The following TENM3 variants were observed in gnomAD, a reference collection of about 807,000 sequenced individuals.
The protein encoded by TENM3 is teneurin transmembrane protein 3, also known as teneurin-3.
Under a neutral mutation model 255.1 loss-of-function variants are expected in TENM3, and 63 were observed. The observed-to-expected ratio is 0.25, with a 90% CI of 0.20 to 0.30. The LOEUF (loss-of-function observed/expected upper bound fraction) is 0.30, where lower values mean the gene tolerates loss of function less well. TENM3 is among the 10% of genes least tolerant of loss of function. The pLI, the probability that TENM3 is intolerant of heterozygous loss-of-function variation, is 1.00. For missense variants in TENM3, 2,929 were observed against 3,461.1 expected (o/e 0.85, Z 3.86); for synonymous variants, 1,306 against 1,322.3 (o/e 0.99, Z 0.27).
chr4:181,902,221 A>G, the TENM3 span, among the ~76,000 whole-genome samples: 1 of 151,852 alleles, frequency 6.6e-6, no homozygotes, highest in African/African-American at 2.4e-5. Context: ...AGAGCAGAAA[A>G]TTTGTTTAAG....
At chr4:181,599,541 T>A in the TENM3 span, among the ~76,000 whole-genome samples, 2 of 152,210 alleles carry the variant, frequency 1.3e-5, no homozygotes, top group African/African-American at 4.8e-5. Flanking sequence ...ACCACTGAAA[T>A]ATTCCTGTTA....
At chr4:182,766,418 T>C (rs1483703526) in intron 22 of TENM3, among the ~76,000 whole-genome samples, 1 of 152,156 alleles carries the variant, frequency 6.6e-6, no homozygotes, top group South Asian at 2.1e-4. Flanking sequence ...ATGATTCTTC[T>C]CTTAATGATG....
At chr4:182,229,027 A>T (rs1756383464) in intron 1 of TENM3, among the ~76,000 whole-genome samples, 1 of 152,156 alleles carries the variant, frequency 6.6e-6, no homozygotes, top group African/African-American at 2.4e-5. Context: ...CGTGTAAATA[A>T]GTTTCTAATA....
chr4:182,067,369 C>T, the TENM3 span, among the ~76,000 whole-genome samples: 2 of 152,124 alleles, frequency 1.3e-5, no homozygotes, highest in Admixed American at 6.5e-5. Flanking sequence ...TGGCCGTAAA[C>T]GAGTTTCTCC....
At chr4:181,620,658 T>A in the TENM3 span, among the ~76,000 whole-genome samples, 2 of 138,130 alleles carry the variant, frequency 1.4e-5, no homozygotes, top group African/African-American at 5.4e-5. Flanking sequence ...TCTCACAGAG[T>A]CCTTAAAAAA....
chr4:182,464,713 T>C (rs901160523), intron 3 of TENM3, among the ~76,000 whole-genome samples: 17 of 152,240 alleles, frequency 1.1e-4, no homozygotes, highest in African/African-American at 4.1e-4. Context: ...CTTTTCATGC[T>C]ATGGAAAGAG....
At chr4:182,702,845 T>C (rs1757991748) in intron 12 of TENM3, among the ~76,000 whole-genome samples, 1 of 152,028 alleles carries the variant, frequency 6.6e-6, no homozygotes, top group Non-Finnish European at 1.5e-5. Context: ...GCAGCCATTC[T>C]CCTGCCTCAG....
the TENM3 span, among the ~76,000 whole-genome samples, chr4:182,108,706 G>C: frequency 6.6e-6 from 1 of 152,122 alleles, no homozygotes; most frequent in African/African-American, 2.4e-5. Flanking sequence ...TATGTGAAAA[G>C]AGCAAAAAGC....
chr4:181,499,268 CT>C, the TENM3 span, among the ~76,000 whole-genome samples: 1 of 152,168 alleles, frequency 6.6e-6, no homozygotes, highest in Non-Finnish European at 1.5e-5. Context: ...CATGAGTTTC[CT>C]CAGACTTCTC....
the TENM3 span, among the ~76,000 whole-genome samples, chr4:181,521,835 G>T: frequency 6.6e-6 from 1 of 152,082 alleles, no homozygotes; most frequent in Non-Finnish European, 1.5e-5. Flanking sequence ...GGTGGCTCAT[G>T]CCTGTAATCC....
intron 4 of TENM3, among the ~76,000 whole-genome samples, chr4:182,622,114 A>G (rs1449838214): frequency 1.3e-5 from 2 of 152,104 alleles, no homozygotes; most frequent in African/African-American, 4.8e-5. Context: ...TAATCCCAGC[A>G]CTTTGGGAGG....
the TENM3 span, among the ~76,000 whole-genome samples, chr4:181,640,209 G>C: frequency 6.6e-6 from 1 of 152,134 alleles, no homozygotes. Context: ...CCCTACTCCA[G>C]ACCTACTGAG....
chr4:181,783,162 T>G, the TENM3 span, among the ~76,000 whole-genome samples: 1 of 152,152 alleles, frequency 6.6e-6, no homozygotes, highest in Non-Finnish European at 1.5e-5. Context: ...CTGAATTCAA[T>G]TCCTGGATAT....
In TENM3 at chr4:182,500,210, C is replaced by T. The variant is rs184725348; in HGVS notation, c.512-100714C>T. ...AATTGAGAAATACTGAGAAAATACA[C>T]GATAACTTGACAAAGAAGAGCTTTA... On this transcript the variant is annotated intron_variant, in intron 3 of 27. Coordinates refer to ENST00000511685, the MANE Select transcript of TENM3 (RefSeq NM_001080477.4). 3.6e-4 allele frequency among the ~76,000 whole-genome samples: 55 copies of T among 151,998 alleles called. No individual in the cohort carries two copies. The East Asian group carries it at 9.5e-3, about 26-fold the overall frequency.
At chr4:181,703,848 T>C in the TENM3 span, among the ~76,000 whole-genome samples, 1 of 152,202 alleles carries the variant, frequency 6.6e-6, no homozygotes. Context: ...AGCAGCATAT[T>C]GTTTTCTTTG....
intron 1 of TENM3, among the ~76,000 whole-genome samples, chr4:182,147,620 C>T (rs1750058805): frequency 6.6e-6 from 1 of 152,154 alleles, no homozygotes; most frequent in African/African-American, 2.4e-5. Context: ...ACACATTGCT[C>T]ATCTACCCTG....
chr4:181,887,115 G>T, the TENM3 span, among the ~76,000 whole-genome samples: 1 of 152,010 alleles, frequency 6.6e-6, no homozygotes, highest in South Asian at 2.1e-4. Flanking sequence ...TCCCCTAAGT[G>T]CCAGTCTAAA....
intron 1 of TENM3, among the ~76,000 whole-genome samples, chr4:182,318,200 A>G (rs1350433011): frequency 6.6e-6 from 1 of 152,198 alleles, no homozygotes; most frequent in Non-Finnish European, 1.5e-5. Flanking sequence ...AGTTTCATCT[A>G]GAGGTTATTT....
chr4:182,287,087 G>C (rs1177156498), intron 1 of TENM3, among the ~76,000 whole-genome samples: 2 of 152,162 alleles, frequency 1.3e-5, no homozygotes, highest in Non-Finnish European at 2.9e-5. Flanking sequence ...AATTAACTGG[G>C]TGCCGTGGTG....
Sources: allele counts gnomAD v4.1 joint callset (sites outside exome capture counted in the v4.1 genomes callset), GRCh38; gene constraint gnomAD v4.1.1; transcripts MANE v1.5; gene names NCBI Gene and HGNC (gene_info 2026-07-23, HGNC 2026-07-21).